Variants in TAF6 observed in about 807,000 individuals in gnomAD.
TAF6 encodes the protein TATA-box binding protein associated factor 6.
Under a neutral mutation model 73.5 loss-of-function variants are expected in TAF6, and 50 were observed. The observed-to-expected ratio is 0.68, with a 90% CI of 0.54 to 0.86. The LOEUF (loss-of-function observed/expected upper bound fraction) is 0.86, where lower values mean the gene tolerates loss of function less well. Among genes scored for constraint, TAF6 ranks in the 40% least tolerant of loss-of-function variants. The pLI, the probability that TAF6 is intolerant of heterozygous loss-of-function variation, is 0.00. For synonymous variants in TAF6, 424 were observed against 376.7 expected, an observed-to-expected ratio of 1.13 and a Z score of -1.45; for missense variants, 768 against 899.5, an observed-to-expected ratio of 0.85 and a Z score of 1.87.
intron 6 of TAF6, 24 bp from the exon 7 acceptor site, chr7:100,112,277 T>C (rs1392713061): frequency 6.2e-7 from 1 of 1,604,278 alleles, no homozygotes; most frequent in African/African-American, 1.3e-5. Context: ...AAGGTGGGTC[T>C]GACAAAGAAA....
intron 1 of TAF6, among the ~76,000 whole-genome samples, chr7:100,117,728 C>T (rs760026289): frequency 2.6e-5 from 4 of 152,062 alleles, no homozygotes; most frequent in Non-Finnish European, 5.9e-5. Flanking sequence ...TAGGCCCAAG[C>T]TTTGAGCCTA....
chr7:100,113,289 A>AG (rs1352019271), intron 5 of TAF6, 60 bp downstream of exon 5: 1 of 1,472,050 alleles, frequency 6.8e-7, no homozygotes, highest in African/African-American at 1.4e-5. Context: ...TCTCAAAAAA[A>AG]AAAGGTGGAA....
Position 100,111,226 on chromosome 7 carries a change from A to G in TAF6, c.996T>C (p.Phe332=). 1.2e-6 allele frequency: 2 copies of G among 1,614,238 alleles called. No homozygotes were observed. Among genetic ancestry groups the G allele is most frequent in the Non-Finnish European group, 1.7e-6 (2 of 1,180,042 alleles). Residue 332 remains phenylalanine, a synonymous_variant, in exon 10 of 15, where the codon TTT becomes TTC. Coordinates refer to ENST00000453269, the MANE Select transcript of TAF6 (RefSeq NM_139315.3). ...DVDNHWALRD[F]AARLVAQICK... ...AGATCTGGGCCACCAGGCGGGCAGC[A>G]AAGTCTCGGAGTGCCCAGTGATTGT...
intron 10 of TAF6, 88 bp from the exon 11 acceptor site, chr7:100,110,362 A>G (rs1284014244): frequency 6.9e-6 from 10 of 1,454,116 alleles, no homozygotes; most frequent in Admixed American, 1.7e-5. Context: ...CTTTCCTTGT[A>G]AATCATTAAG....
intron 4 of TAF6, 43 bp from the exon 5 acceptor site, chr7:100,113,448 C>T (rs1195624678): frequency 2.6e-6 from 4 of 1,544,632 alleles, no homozygotes; most frequent in Admixed American, 2.0e-5. Flanking sequence ...CACGCATGGA[C>T]ATTGGGGAGT....
chr7:100,113,767 T>G lies in TAF6; in HGVS notation c.246A>C (p.Pro82=), dbSNP rs1374319414. Reference sequence around the variant, plus strand: ...ACTCCTGGGCGTGGAAGCCATAGAGTGGCTGTGGCAGGAGAGAGGGGCATG... The same window carrying G: ...ACTCCTGGGCGTGGAAGCCATAGAGGGGCTGTGGCAGGAGAGAGGGGCATG... ...DYALKLKNVE[P]LYGFHAQEFI... The change falls in exon 4 of 15, where the codon CCA becomes CCC. Residue 82 remains proline, a splice_region_variant and synonymous_variant. Coordinates refer to ENST00000453269, the MANE Select transcript of TAF6 (RefSeq NM_139315.3). 6.2e-7 allele frequency: 1 copy of G among 1,611,586 alleles called. No individual in the cohort carries two copies. The highest frequency in any genetic ancestry group is 8.5e-7 in the Non-Finnish European group (1 of 1,179,330).
At position 100,113,383 on chromosome 7, in the gene TAF6, G is replaced by A; in HGVS notation, c.420C>T (p.Gly140=). 6.3e-7 allele frequency: 1 copy of A among 1,595,660 alleles called. No individual in the cohort carries two copies. The change falls in exon 5 of 15, where the codon GGC becomes GGT. Residue 140 remains glycine (G), a synonymous_variant. Coordinates refer to ENST00000453269, the MANE Select transcript of TAF6 (RefSeq NM_139315.3). ...CLKAHWLSIE[G]CQPAIPENPP... ...GGTTCTCGGGGATAGCTGGCTGGCA[G>A]CCCTCGATGCTCAGCCAATGAGCTG... is the stretch of plus-strand genomic sequence containing the variant.
chr7:100,114,163 G>C lies in TAF6; in HGVS notation c.47C>G (p.Ser16Trp). ...KLKLSNTVLP[S>W]ESMKVVAESM... ...TTCAGCCACCACCTTCATGGACTCC[G>C]AGGGCAGCACAGTGTTGCTAAGCTT... The change falls in exon 2 of 15, where the codon TCG becomes TGG. Residue 16 changes from serine to tryptophan, a missense_variant. Physicochemically the swap from Ser to Trp is radical, Grantham distance 177. Transcript: ENST00000453269. The C allele has an allele frequency of 6.2e-7, 1 of 1,614,218 alleles. No homozygotes were observed. Among genetic ancestry groups the C allele is most frequent in the Non-Finnish European group, 8.5e-7 (1 of 1,180,036 alleles).
At chr7:100,123,114 G>C (rs1798117149), upstream of TAF6, among the ~76,000 whole-genome samples, 1 of 152,100 alleles carries the variant, frequency 6.6e-6, no homozygotes, top group Admixed American at 6.6e-5. Context: ...GGCTGAGGCA[G>C]GTGGATCACC....
At chr7:100,112,750 T>C (rs781218679) in intron 6 of TAF6, 48 bp downstream of exon 6, 10 of 1,536,736 alleles carry the variant, frequency 6.5e-6, no homozygotes, top group South Asian at 4.8e-5. Context: ...CAAACGGCCA[T>C]GTGGCTTTGG....
In TAF6 at chr7:100,113,668, G is replaced by A. The variant is rs939025323; in HGVS notation, c.345C>T (p.Ser115=). 25 of 1,613,932 alleles carry A rather than the reference G, an allele frequency of 1.5e-5. No homozygotes were observed. The highest frequency in any genetic ancestry group is 1.7e-5 in the Admixed American group (1 of 59,978). The stretch of plus-strand genomic sequence containing the variant: ...GGGGCAGAGGGGTATTGATGATGTC[G>A]CTCAGATCAACCTCCTTCTCCTCAT... ...YFYEEKEVDL[S]DIINTPLPRV... is the part of the protein sequence containing the mutation. The change falls in exon 4 of 15, where the codon AGC becomes AGT. Residue 115 remains serine, a synonymous_variant. Coordinates refer to ENST00000453269, the MANE Select transcript of TAF6 (RefSeq NM_139315.3).
Position 100,108,091 on chromosome 7 carries a change from T to C in TAF6, c.1491A>G (p.Pro497=). 1.9e-6 allele frequency: 3 copies of C among 1,609,114 alleles called. No individual in the cohort carries two copies. The highest frequency in any genetic ancestry group is 2.5e-6 in the Non-Finnish European group (3 of 1,178,672). The change falls in exon 14 of 15, where the codon CCA becomes CCG. Residue 497 remains proline (P), a synonymous_variant. Transcript: ENST00000453269. ...AGCCAGGGGTGCGAGGGCCAGGCTG[T>C]GGGGCCTGCGAGAGGGTCAGCGTGG... The part of the protein sequence containing the change: ...PRPTLTLSQA[P]QPGPRTPGLL...
At chr7:100,119,177 C>T in intron 1 of TAF6, 27 bp downstream of exon 1, 1 of 987,942 alleles carries the variant, frequency 1.0e-6, no homozygotes, top group Non-Finnish European at 1.2e-6. Flanking sequence ...CACACGGGGT[C>T]CCCACGAGCA....
At chr7:100,126,891 C>CA in the TAF6 span, 1 of 155,042 alleles carries the variant, frequency 6.4e-6, no homozygotes, top group South Asian at 1.8e-4. Flanking sequence ...GGCTGGAGCC[C>CA]AGCCAGGCAG....
At chr7:100,127,145 G>C in the TAF6 span, 1 of 521,266 alleles carries the variant, frequency 1.9e-6, no homozygotes, top group Non-Finnish European at 3.4e-6. This position sits in a 1 kb window ranked among gnomAD's most constrained non-coding sequence, Gnocchi z 4.6. Context: ...TACGTACCGC[G>C]AACGGAATGG....
At chr7:100,126,004 G>A in the TAF6 span, among the ~76,000 whole-genome samples, 1 of 152,182 alleles carries the variant, frequency 6.6e-6, no homozygotes, top group Non-Finnish European at 1.5e-5. Context: ...GGCTAATACG[G>A]TGAAAGCCCG....
chr7:100,115,510 A>G (rs943762503), intron 1 of TAF6: 1 of 152,108 alleles, frequency 6.6e-6, no homozygotes, highest in Non-Finnish European at 1.5e-5. Context: ...AAAAATACAA[A>G]AATTAGCTGG....
chr7:100,126,372 T>G, the TAF6 span, among the ~76,000 whole-genome samples: 1 of 151,110 alleles, frequency 6.6e-6, no homozygotes, highest in East Asian at 2.0e-4. Flanking sequence ...TAGAGGGGCG[T>G]GCACGCCTGT....
At chr7:100,122,054 A>AG, upstream of TAF6, 5 of 498,904 alleles carry the variant, frequency 1.0e-5, no homozygotes, top group East Asian at 2.2e-4. Flanking sequence ...CGTCTGAAAA[A>AG]AAAAAAAAAA....
Sources: gnomAD v4.1 joint callset for allele counts (sites outside exome capture counted in the v4.1 genomes callset) on GRCh38, gnomAD v4.1.1 for gene constraint, Gnocchi (gnomAD v3.1) non-coding constraint, MANE v1.5 for transcripts, NCBI Gene and HGNC (gene_info 2026-07-23, HGNC 2026-07-21) for gene names.